The following TBC1D9 variants were observed in gnomAD, a reference collection of about 807,000 sequenced individuals.
TBC1D9 encodes TBC1 domain family member 9.
TBC1D9 carries 63 observed loss-of-function variants against 132.0 expected under a neutral mutation model. That is an observed-to-expected ratio of 0.48 (90% confidence interval 0.39 to 0.59). TBC1D9 has a LOEUF of 0.59. Among genes scored for constraint, TBC1D9 ranks in the 20% least tolerant of loss-of-function variants. The pLI is 0.00. For synonymous variants in TBC1D9, 610 were observed against 609.9 expected, an observed-to-expected ratio of 1.00 and a Z score of 0.00; for missense variants, 1,261 against 1,592.7, an observed-to-expected ratio of 0.79 and a Z score of 3.54.
chr4:140,707,067 G>A (rs1738160490), intron 1 of TBC1D9, among the ~76,000 whole-genome samples: 1 of 151,980 alleles, frequency 6.6e-6, no homozygotes, highest in South Asian at 2.1e-4. Context: ...TCTCTAAAGT[G>A]CTCAAGAAAG....
intron 9 of TBC1D9, among the ~76,000 whole-genome samples, chr4:140,663,885 G>A (rs1737402810): frequency 6.6e-6 from 1 of 152,018 alleles, no homozygotes; most frequent in African/African-American, 2.4e-5. Flanking sequence ...CAGGAGCTAA[G>A]GAAGGGGAAA....
At chr4:140,726,417 G>T (rs2111063078) in intron 1 of TBC1D9, among the ~76,000 whole-genome samples, 1 of 152,218 alleles carries the variant, frequency 6.6e-6, no homozygotes, top group East Asian at 1.9e-4. Flanking sequence ...GCTGCTCAGG[G>T]TCAACATGCG....
chr4:140,635,863 A>T (rs1436255621), intron 15 of TBC1D9, among the ~76,000 whole-genome samples: 2 of 152,162 alleles, frequency 1.3e-5, no homozygotes, highest in Non-Finnish European at 2.9e-5. Flanking sequence ...GCAGGGAGGC[A>T]GAAGCTGAGG....
In TBC1D9 at chr4:140,631,285, C is replaced by T. The variant is rs1206971899; in HGVS notation, c.2746+2663G>A. Among the ~76,000 whole-genome samples, 14 of 152,144 alleles carry T rather than the reference C, an allele frequency of 9.2e-5. No homozygotes were observed. The East Asian group carries it at 1.3e-3, about 15-fold the overall frequency. The stretch of plus-strand genomic sequence containing the variant: ...TTGCCCAGGCTGGAGTGCAGTGGCA[C>T]GATCTCGGCTCACTGCAACCTCTGC... On this transcript the variant is annotated intron_variant, in intron 16 of 20. Transcript: ENST00000442267.
At chr4:140,626,952 T>C (rs1333805446) in intron 18 of TBC1D9, among the ~76,000 whole-genome samples, 2 of 152,222 alleles carry the variant, frequency 1.3e-5, no homozygotes, top group Non-Finnish European at 2.9e-5. Context: ...GGCAAAAATA[T>C]TTTACTTTTG....
At chr4:140,635,078 G>C (rs1042864490) in intron 15 of TBC1D9, among the ~76,000 whole-genome samples, 1 of 152,118 alleles carries the variant, frequency 6.6e-6, no homozygotes. Context: ...GGTGGCAGGT[G>C]GGGGAGAAAG....
Position 140,670,941 on chromosome 4 carries a change from G to A in TBC1D9, c.1060-15C>T, listed in dbSNP as rs1737526221. On this transcript the variant is annotated splice_polypyrimidine_tract_variant and intron_variant, in intron 6 of 20. Coordinates refer to ENST00000442267, the MANE Select transcript of TBC1D9 (RefSeq NM_015130.3). ...ACAATTGTCACCTGAAAAGAAGTGGGAAACAAAGAGCATTATTTTCCAAGA... is the reference window on the plus strand; with the variant it reads ...ACAATTGTCACCTGAAAAGAAGTGGAAAACAAAGAGCATTATTTTCCAAGA... 1.2e-6 allele frequency: 2 copies of A among 1,610,888 alleles called. No homozygotes were observed. The highest frequency in any genetic ancestry group is 1.7e-6 in the Non-Finnish European group (2 of 1,177,304).
chr4:140,733,602 A>G (rs976828555), intron 1 of TBC1D9, among the ~76,000 whole-genome samples: 3 of 152,232 alleles, frequency 2.0e-5, no homozygotes, highest in Admixed American at 1.3e-4. Context: ...ATACCTGGGC[A>G]GTCTGGACAA....
intron 18 of TBC1D9, 116 bp from the exon 19 acceptor site, chr4:140,624,504 C>G: frequency 1.3e-6 from 1 of 772,558 alleles, no homozygotes; most frequent in Non-Finnish European, 2.0e-6. Context: ...ATTTAGCAAA[C>G]AAACAAACAA....
intron 6 of TBC1D9, among the ~76,000 whole-genome samples, chr4:140,675,465 G>C (rs1372712180): frequency 6.6e-6 from 1 of 152,108 alleles, no homozygotes; most frequent in African/African-American, 2.4e-5. Context: ...AGAAACTGCA[G>C]GGCTGCTGGC....
chr4:140,622,833 C>T lies in TBC1D9; in HGVS notation c.3163G>A (p.Ala1055Thr). 2 of 1,598,012 alleles carry T rather than the reference C, an allele frequency of 1.3e-6. No homozygotes were observed. Among genetic ancestry groups the T allele is most frequent in the East Asian group, 2.2e-5 (1 of 44,518 alleles). Residue 1055 changes from alanine (A) to threonine (T), a missense_variant, in exon 21 of 21, where the codon GCA becomes ACA. Ala to Thr is a moderately conservative substitution (Grantham distance 58, BLOSUM62 0). Around this residue, in one of 3 missense-constraint regions of TBC1D9, gnomAD observed 618 missense variants for 724.4 expected, o/e 0.85. Transcript: ENST00000442267. ...NEQELYHATA[A>T]VTSLLLEIGE... The stretch of plus-strand genomic sequence containing the variant: ...ATCTCCAGCAGGAGGCTGGTCACTG[C>T]TGCCGTGGCGTGGTACAGCTCCTGC...
intron 1 of TBC1D9, among the ~76,000 whole-genome samples, chr4:140,707,299 A>G (rs1738163761): frequency 6.6e-6 from 1 of 152,180 alleles, no homozygotes; most frequent in Non-Finnish European, 1.5e-5. Flanking sequence ...AAGAGGTCCC[A>G]TTAGACATTC....
intron 1 of TBC1D9, among the ~76,000 whole-genome samples, chr4:140,750,647 A>T (rs1738909949): frequency 6.6e-6 from 1 of 152,154 alleles, no homozygotes; most frequent in Admixed American, 6.5e-5. Context: ...AAAGATCTAA[A>T]TAAATAAAGG....
chr4:140,737,756 T>C (rs1322138246), intron 1 of TBC1D9, among the ~76,000 whole-genome samples: 1 of 152,196 alleles, frequency 6.6e-6, no homozygotes, highest in Non-Finnish European at 1.5e-5. Flanking sequence ...AGCACAATAC[T>C]AAATCCCTGA....
intron 6 of TBC1D9, among the ~76,000 whole-genome samples, chr4:140,671,837 C>T (rs1737542259): frequency 6.6e-6 from 1 of 152,068 alleles, no homozygotes; most frequent in African/African-American, 2.4e-5. Context: ...CTCTTTAGCA[C>T]ATTAGAAAAC....
intron 1 of TBC1D9, among the ~76,000 whole-genome samples, chr4:140,733,573 A>T (rs965257445): frequency 2.0e-5 from 3 of 152,208 alleles, no homozygotes; most frequent in African/African-American, 7.2e-5. Flanking sequence ...ATTTCCATGA[A>T]GTCATAATCT....
chr4:140,738,195 A>T (rs1738705469), intron 1 of TBC1D9, among the ~76,000 whole-genome samples: 1 of 152,136 alleles, frequency 6.6e-6, no homozygotes, highest in South Asian at 2.1e-4. Flanking sequence ...AAATCTTGGG[A>T]CCTCAAACTC....
At chr4:140,700,354 G>A (rs746744034) in intron 2 of TBC1D9, among the ~76,000 whole-genome samples, 26 of 151,642 alleles carry the variant, frequency 1.7e-4, no homozygotes, top group Non-Finnish European at 2.5e-4. Flanking sequence ...GGAGGCTGAA[G>A]CAGGAGAATC....
At position 140,621,956 on chromosome 4, in the gene TBC1D9, C is replaced by A; in HGVS notation, c.*239G>T. 2.2e-6 allele frequency: 1 copy of A among 452,890 alleles called. No individual in the cohort carries two copies. The highest frequency in any genetic ancestry group is 3.7e-6 in the Non-Finnish European group (1 of 273,946). 28.1% of individuals were successfully genotyped at this position (452,890 alleles called of 1,614,324 possible). A position where few individuals can be genotyped will look rare whatever the true frequency, so the allele number is the denominator to read the frequency against. Reference sequence around the variant, plus strand: ...TCATCTTTTTGTTTTTTAGAATTCACGAAATAAACTGTATTCTGGTAAATC... The same window carrying A: ...TCATCTTTTTGTTTTTTAGAATTCAAGAAATAAACTGTATTCTGGTAAATC... On this transcript the variant is annotated 3_prime_UTR_variant, in exon 21 of 21. Coordinates refer to ENST00000442267, the MANE Select transcript of TBC1D9 (RefSeq NM_015130.3).
Sources: gnomAD v4.1 joint callset for allele counts (sites outside exome capture counted in the v4.1 genomes callset) on GRCh38, gnomAD v4.1.1 for gene constraint, gnomAD v4.1.1 regional missense constraint, MANE v1.5 for transcripts, NCBI Gene and HGNC (gene_info 2026-07-23, HGNC 2026-07-21) for gene names.